The following UBXN8 variants were observed in gnomAD, a reference collection of about 807,000 sequenced individuals.
The protein encoded by UBXN8 is UBX domain protein 8.
Under a neutral mutation model 32.1 loss-of-function variants are expected in UBXN8, and 27 were observed. The observed-to-expected ratio is 0.84, with a 90% CI of 0.62 to 1.16. The LOEUF (loss-of-function observed/expected upper bound fraction) is 1.16, where lower values mean the gene tolerates loss of function less well. UBXN8 is among the 50% of genes most tolerant of loss of function. The pLI, the probability that UBXN8 is intolerant of heterozygous loss-of-function variation, is 0.00. For missense variants in UBXN8, 306 were observed against 311.4 expected, an observed-to-expected ratio of 0.98 and a Z score of 0.13; for synonymous variants, 109 against 111.8, an observed-to-expected ratio of 0.98 and a Z score of 0.16.
intron 5 of UBXN8, among the ~76,000 whole-genome samples, chr8:30,759,855 G>A (rs539285584): frequency 2.0e-4 from 30 of 151,518 alleles, no homozygotes; most frequent in African/African-American, 6.0e-4. Flanking sequence ...TACTTGGGAG[G>A]CTGAGACAGG....
chr8:30,764,876 CTT>C (rs1805957295), intron 7 of UBXN8, among the ~76,000 whole-genome samples: 1 of 152,052 alleles, frequency 6.6e-6, no homozygotes. Context: ...ATGGTGAAAC[CTT>C]GTCTCTACTA....
intron 7 of UBXN8, among the ~76,000 whole-genome samples, chr8:30,765,395 TC>T (rs1291742344): frequency 1.3e-5 from 2 of 152,020 alleles, no homozygotes; most frequent in Admixed American, 1.3e-4. Context: ...GCACCTCACC[TC>T]CTGAGTATCT....
intron 5 of UBXN8, among the ~76,000 whole-genome samples, chr8:30,757,585 G>C (rs190539599): frequency 6.6e-6 from 1 of 151,390 alleles, no homozygotes; most frequent in African/African-American, 2.4e-5. Context: ...AAAGGGCTGG[G>C]CATGGTGGCT....
intron 6 of UBXN8, among the ~76,000 whole-genome samples, chr8:30,762,876 CTTT>C (rs57351368): frequency 3.3e-5 from 5 of 151,246 alleles, no homozygotes; most frequent in East Asian, 1.9e-4. Flanking sequence ...TTTATAATGT[CTTT>C]TTTTTTTTTA....
intron 4 of UBXN8, among the ~76,000 whole-genome samples, chr8:30,755,617 G>A (rs1465149844): frequency 6.6e-6 from 1 of 151,732 alleles, no homozygotes; most frequent in Non-Finnish European, 1.5e-5. Context: ...TTAGCCAGAC[G>A]TGGTAGTGTG....
chr8:30,758,878 T>TG (rs1563564525), intron 5 of UBXN8, among the ~76,000 whole-genome samples: 26 of 126,628 alleles, frequency 2.1e-4, no homozygotes, highest in African/African-American at 7.9e-4. Context: ...AAATGTTTTT[T>TG]TTGTTTGTTT....
At chr8:30,753,185 T>G in intron 3 of UBXN8, 80 bp downstream of exon 3, 14 of 1,376,982 alleles carry the variant, frequency 1.0e-5, no homozygotes, top group Non-Finnish European at 1.3e-5. Context: ...GGCTGTTGCT[T>G]CTGTCTTGGT....
upstream of UBXN8, among the ~76,000 whole-genome samples, chr8:30,742,515 A>AT (rs879742087): frequency 4.4e-3 from 643 of 146,170 alleles, 1 homozygote; most frequent in Non-Finnish European, 6.0e-3. Flanking sequence ...ACGCGCAGCT[A>AT]TTTTTTTTTT....
rs767081391 is a variant in UBXN8, at chr8:30,744,221, T to C, written c.32T>C (p.Phe11Ser). The change falls in exon 1 of 8, where the codon TTC becomes TCC. Residue 11 changes from phenylalanine (F) to serine (S), a missense_variant. Coordinates refer to ENST00000265616, the MANE Select transcript of UBXN8 (RefSeq NM_005671.4). ...TCACGTGGGGTTGTTGGCATTTTCT[T>C]CCTCTCTGCTGTCCCCCTTGTGTGT... Reference protein sequence around the residue: MASRGVVGIFFLSAVPLVCLE... With the variant: MASRGVVGIFSLSAVPLVCLE... 2.5e-6 allele frequency: 4 copies of C among 1,613,824 alleles called. No homozygotes were observed. The highest frequency in any genetic ancestry group is 3.4e-6 in the Non-Finnish European group (4 of 1,179,834).
At chr8:30,760,527 C>G (rs527754555) in intron 5 of UBXN8, among the ~76,000 whole-genome samples, 1 of 147,120 alleles carries the variant, frequency 6.8e-6, no homozygotes, top group African/African-American at 2.5e-5. Flanking sequence ...ATCTTCCTGC[C>G]TCAGCCTCCT....
At chr8:30,759,402 T>G (rs923270332) in intron 5 of UBXN8, among the ~76,000 whole-genome samples, 1 of 151,256 alleles carries the variant, frequency 6.6e-6, no homozygotes, top group African/African-American at 2.4e-5. Context: ...GCCTAGCTCA[T>G]TTTTGTATTT....
chr8:30,739,283 G>A (rs1402584327), upstream of UBXN8, among the ~76,000 whole-genome samples: 3 of 151,058 alleles, frequency 2.0e-5, 1 homozygote, highest in Non-Finnish European at 2.9e-5. Flanking sequence ...GGTGGCTCAC[G>A]CCTGTAATCC....
chr8:30,763,243 G>A (rs757268333), intron 6 of UBXN8, 30 bp from the exon 7 acceptor site: 44 of 1,605,770 alleles, frequency 2.7e-5, no homozygotes, highest in Non-Finnish European at 3.3e-5. Flanking sequence ...GCAATGGATC[G>A]GAGTTCTTAT....
At chr8:30,750,544 G>A (rs947357173) in intron 1 of UBXN8, among the ~76,000 whole-genome samples, 2 of 151,726 alleles carry the variant, frequency 1.3e-5, no homozygotes, top group Non-Finnish European at 2.9e-5. Flanking sequence ...AGGCTGAGGC[G>A]GGCGGATCAT....
At chr8:30,757,881 T>C (rs1026856083) in intron 5 of UBXN8, among the ~76,000 whole-genome samples, 6 of 148,566 alleles carry the variant, frequency 4.0e-5, no homozygotes, top group African/African-American at 1.5e-4. Flanking sequence ...AAAAAAAGAA[T>C]TGATATTTTT....
intron 3 of UBXN8, 145 bp from the exon 4 acceptor site, chr8:30,754,520 A>G (rs1394164913): frequency 2.6e-6 from 3 of 1,152,910 alleles, no homozygotes; most frequent in Non-Finnish European, 3.7e-6. Flanking sequence ...GAGCCTCCCC[A>G]CAACCAAGCA....
chr8:30,730,044 GTGC>G (rs1804915998), upstream of UBXN8, among the ~76,000 whole-genome samples: 2 of 152,158 alleles, frequency 1.3e-5, no homozygotes, highest in South Asian at 4.2e-4. Flanking sequence ...CATCCCAGTG[GTGC>G]CCTCCCCTTA....
At chr8:30,736,504 G>A (rs998606741) in intron 1 of UBXN8, among the ~76,000 whole-genome samples, 7 of 151,796 alleles carry the variant, frequency 4.6e-5, no homozygotes, top group African/African-American at 1.7e-4. Context: ...ACGGAGTTTC[G>A]CTCTTATCTC....
At position 30,735,508 on chromosome 8, in the gene UBXN8, G is replaced by T. The variant is rs150520081; in HGVS notation, c.622+2200G>T. ...GCCATGGTTGCAGTGAGCTGAGATG[G>T]CACCACTGCACTCCAATCTGGGCAA... On this transcript the variant is annotated intron_variant, in intron 1 of 1. Coordinates refer to the UBXN8 transcript ENST00000522968. Among the ~76,000 whole-genome samples the T allele has an allele frequency of 3.3e-3, 504 of 152,118 alleles. 2 individuals are homozygous for T. The highest frequency in any genetic ancestry group is 0.011 in the African/African-American group (469 of 41,500).
Sources: gnomAD v4.1 joint callset for allele counts (sites outside exome capture counted in the v4.1 genomes callset) on GRCh38, gnomAD v4.1.1 for gene constraint, MANE v1.5 for transcripts, NCBI Gene and HGNC (gene_info 2026-07-23, HGNC 2026-07-21) for gene names.